Variants in VPS13C observed in about 807,000 individuals in gnomAD.
VPS13C encodes the protein intermembrane lipid transfer protein VPS13C.
In VPS13C, 358 loss-of-function variants were observed where a neutral mutation model predicts 456.8. The ratio of observed to expected loss-of-function variants is 0.78; its 90% CI spans 0.72 to 0.86. The LOEUF (loss-of-function observed/expected upper bound fraction) is 0.86, where lower values mean the gene tolerates loss of function less well. VPS13C is among the 40% of genes least tolerant of loss of function. The probability of loss-of-function intolerance (pLI) is 0.00; values close to 1 mark genes in which losing one functional copy is unlikely to be tolerated. For synonymous variants in VPS13C, 1,578 were observed against 1,486.7 expected (o/e 1.06, Z -1.41); for missense variants, 4,818 against 4,385.4 (o/e 1.10, Z -2.79).
chr15:61,943,517 G>A (rs564958073), intron 45 of VPS13C, among the ~76,000 whole-genome samples: 131 of 152,214 alleles, frequency 8.6e-4, no homozygotes, highest in African/African-American at 2.9e-3. Flanking sequence ...AGGCAATGGG[G>A]AAAGGATTCC....
chr15:61,985,095 C>A, intron 18 of VPS13C, 96 bp from the exon 19 acceptor site: 1 of 1,025,908 alleles, frequency 9.7e-7, no homozygotes. Flanking sequence ...TATAAAGCAA[C>A]CTAACAAATA....
intron 42 of VPS13C, 69 bp downstream of exon 42, chr15:61,949,373 GA>G (rs1157753677): frequency 3.9e-6 from 6 of 1,544,270 alleles, no homozygotes; most frequent in South Asian, 1.2e-5. Flanking sequence ...CATCTTAACT[GA>G]AAAAAACAAG....
At chr15:61,874,313 A>C (rs1895252565) in intron 77 of VPS13C, among the ~76,000 whole-genome samples, 1 of 152,052 alleles carries the variant, frequency 6.6e-6, no homozygotes. Context: ...ATGTCTTCAA[A>C]TAGCTAGAAG....
rs1473217534 is a variant in VPS13C at position 61,920,210 on chromosome 15, A to T, written c.7334T>A (p.Met2445Lys). The T allele has an allele frequency of 4.3e-6, 7 of 1,613,588 alleles. No homozygotes were observed. In the Admixed American group the frequency reaches 1.2e-4, roughly 27 times the overall value. ...AATATCACTTTTCTCAGGGAAGCCC[A>T]TTACTCTGAGATTACAATTGGGCTT... The part of the protein sequence containing the change: ...KVKPNCNLRV[M>K]GFPEKSDIFD... The change falls in exon 57 of 85, where the codon ATG (methionine) becomes AAG (lysine). Residue 2445 changes from methionine to lysine, a missense_variant. Transcript: ENST00000644861.
Position 61,981,353 on chromosome 15 carries a change from CA to C in VPS13C, c.2154del (p.Phe718LeufsTer24). 1 of 1,607,866 alleles carries C rather than the reference CA, an allele frequency of 6.2e-7. No homozygotes were observed. On this transcript the variant is annotated frameshift_variant, in exon 22 of 85. Coordinates refer to ENST00000644861, the MANE Select transcript of VPS13C (RefSeq NM_020821.3). LOFTEE classifies it high-confidence loss of function. ...GCATATATACCTACCTGAAATGTAC[CA>C]AAATCTAAAATCAGAAGATCTGACT... Reference protein sequence around the residue: ...HEKSDLLILDFGTFQLNSKDQ... With the variant: ...HEKSDLLILDXGTFQLNSKDQ...
intron 81 of VPS13C, chr15:61,864,894 A>C (rs545000791): frequency 1.0e-6 from 1 of 972,478 alleles, no homozygotes; most frequent in East Asian, 1.1e-4. Context: ...AAATATGTTA[A>C]AATATTTAGA....
At chr15:61,956,972 AGT>A (rs2140306534) in intron 37 of VPS13C, among the ~76,000 whole-genome samples, 1 of 152,296 alleles carries the variant, frequency 6.6e-6, no homozygotes, top group East Asian at 1.9e-4. Flanking sequence ...CCAAAAAAAA[AGT>A]GTATATAACT....
chr15:61,884,947 A>C (rs1049412255), intron 67 of VPS13C, among the ~76,000 whole-genome samples: 2 of 152,166 alleles, frequency 1.3e-5, no homozygotes, highest in East Asian at 3.8e-4. Flanking sequence ...ATATTAATAC[A>C]TTACAGGTCA....
chr15:61,912,544 T>A, intron 62 of VPS13C, among the ~76,000 whole-genome samples: 1 of 152,088 alleles, frequency 6.6e-6, no homozygotes, highest in Non-Finnish European at 1.5e-5. Flanking sequence ...ATTCAGGTTT[T>A]GCTCTGGTAT....
At chr15:61,869,471 T>C (rs373388627) in intron 80 of VPS13C, 29 bp downstream of exon 80, 2 of 1,612,490 alleles carry the variant, frequency 1.2e-6, no homozygotes, top group Non-Finnish European at 8.5e-7. Context: ...CACAGACACA[T>C]ACCTTGCACA....
chr15:62,012,203 C>T, intron 11 of VPS13C, 39 bp from the exon 12 acceptor site: 1 of 1,119,238 alleles, frequency 8.9e-7, no homozygotes, highest in Non-Finnish European at 1.3e-6. Context: ...AAAGAAAATG[C>T]ACACATATTC....
Position 61,943,569 on chromosome 15 carries a change from C to T in VPS13C, c.5149-1502G>A, listed in dbSNP as rs529898956. Among the ~76,000 whole-genome samples, 5 of 152,070 alleles carry T rather than the reference C, an allele frequency of 3.3e-5. No individual in the cohort carries two copies. The South Asian group carries it at 1.0e-3, about 32-fold the overall frequency. On this transcript the variant is annotated intron_variant, in intron 45 of 84. Coordinates refer to ENST00000644861, the MANE Select transcript of VPS13C (RefSeq NM_020821.3). ...GCTGAGATAGCTGGCTAGCCATATG[C>T]AAAAGAATGAAACAACGTTTTATTC...
Position 61,853,819 on chromosome 15 carries a change from A to C in VPS13C, c.*638T>G, listed in dbSNP as rs1019796074. 1 of 152,198 alleles carries C rather than the reference A, an allele frequency of 6.6e-6. No individual in the cohort carries two copies. Among genetic ancestry groups the C allele is most frequent in the Admixed American group, 6.5e-5 (1 of 15,282 alleles). 9.4% of individuals were successfully genotyped at this position (152,198 alleles called of 1,614,324 possible). On this transcript the variant is annotated 3_prime_UTR_variant, in exon 85 of 85. Transcript: ENST00000644861. Reference sequence around the variant, plus strand: ...GGGAGGCTGAGGCATGCGGATCACAAGGTCAGGAGTTCGAGACTAGACTGA... The same window carrying C: ...GGGAGGCTGAGGCATGCGGATCACACGGTCAGGAGTTCGAGACTAGACTGA...
At chr15:61,949,352 T>A in intron 42 of VPS13C, 91 bp downstream of exon 42, 1 of 1,435,428 alleles carries the variant, frequency 7.0e-7, no homozygotes, top group Non-Finnish European at 9.6e-7. Context: ...AATGTCAACA[T>A]GCTAAATATT....
rs550453365 is a variant in VPS13C at position 62,017,764 on chromosome 15, T to C, written c.684+2715A>G. Among the ~76,000 whole-genome samples the C allele has an allele frequency of 7.5e-4, 114 of 152,308 alleles. 2 individuals are homozygous for C. The East Asian group carries it at 0.017, about 23-fold the overall frequency. On this transcript the variant is annotated intron_variant, in intron 9 of 84. Transcript: ENST00000644861. ...TTTTGGCTTAGGATTGACTTGGCAATGTGGGCTCTTTTTTGGTTCCATACG... is the reference window on the plus strand; with the variant it reads ...TTTTGGCTTAGGATTGACTTGGCAACGTGGGCTCTTTTTTGGTTCCATACG...
intron 11 of VPS13C, among the ~76,000 whole-genome samples, chr15:62,012,444 T>A (rs554767137): frequency 1.3e-5 from 2 of 151,968 alleles, no homozygotes; most frequent in Non-Finnish European, 2.9e-5. Context: ...TGTATATCCA[T>A]ACACTGCGAT....
chr15:61,980,047 G>C (rs1567069185), intron 22 of VPS13C, among the ~76,000 whole-genome samples: 1 of 151,616 alleles, frequency 6.6e-6, no homozygotes, highest in Admixed American at 6.6e-5. Context: ...ATCCAGGTGT[G>C]GGGGTGCGTG....
intron 24 of VPS13C, 130 bp from the exon 25 acceptor site, chr15:61,974,547 C>G: frequency 1.2e-6 from 1 of 856,898 alleles, no homozygotes; most frequent in Admixed American, 3.4e-5. Flanking sequence ...ACACTAATGC[C>G]TCATTTAGAC....
At chr15:61,989,335 A>G (rs1451465746) in intron 18 of VPS13C, among the ~76,000 whole-genome samples, 1 of 152,116 alleles carries the variant, frequency 6.6e-6, no homozygotes, top group Non-Finnish European at 1.5e-5. Flanking sequence ...CAGGAGGCAG[A>G]GGATGCAGTA....
Sources: allele counts gnomAD v4.1 joint callset (sites outside exome capture counted in the v4.1 genomes callset), GRCh38; gene constraint gnomAD v4.1.1; transcripts MANE v1.5; gene names NCBI Gene and HGNC (gene_info 2026-07-23, HGNC 2026-07-21).